The following BCAS1 variants were observed in gnomAD, a reference collection of about 807,000 sequenced individuals.
BCAS1 encodes the protein breast carcinoma-amplified sequence 1.
BCAS1 carries 46 observed loss-of-function variants against 65.4 expected under a neutral mutation model. That is an observed-to-expected ratio of 0.70 (90% CI 0.55 to 0.90). The LOEUF is 0.90. BCAS1 is among the 40% of genes least tolerant of loss of function. The pLI is 0.00. For synonymous variants in BCAS1, 298 were observed against 293.5 expected (o/e 1.02, Z -0.16); for missense variants, 793 against 771.2 (o/e 1.03, Z -0.33).
At chr20:53,962,943 C>T (rs1454677446) in intron 10 of BCAS1, among the ~76,000 whole-genome samples, 2 of 152,008 alleles carry the variant, frequency 1.3e-5, no homozygotes, top group Non-Finnish European at 2.9e-5. Context: ...CTCTGCCTCC[C>T]GGATTCACGC....
Position 54,041,908 on chromosome 20 carries a change from C to CAAAAAAAAAAAAAAAA in BCAS1, c.143-12937_143-12936insTTTTTTTTTTTTTTTT, listed in dbSNP as rs1391284796. 2.1e-3 allele frequency among the ~76,000 whole-genome samples: 138 copies of CAAAAAAAAAAAAAAAA among 67,308 alleles called. 31 individuals carry two copies. The highest frequency in any genetic ancestry group is 2.1e-3 in the African/African-American group (40 of 18,630). The allele number at this position is 67,308 out of a possible 152,430, so 44.2% of individuals were successfully genotyped here. Reference sequence around the variant, plus strand: ...AGTTCAGAGTGAGACTCTGTCTCCCCCAAAAAAAAAAAAAAAAAAAAAAGA... The same window carrying CAAAAAAAAAAAAAAAA: ...AGTTCAGAGTGAGACTCTGTCTCCCCAAAAAAAAAAAAAAAACAAAAAAAAAAAAAAAAAAAAAAGA... On this transcript the variant is annotated intron_variant, in intron 3 of 12. Transcript: ENST00000688948.
intron 9 of BCAS1, among the ~76,000 whole-genome samples, chr20:53,972,059 GT>G (rs943280595): frequency 1.3e-5 from 2 of 151,920 alleles, no homozygotes; most frequent in Non-Finnish European, 1.5e-5. Flanking sequence ...CTGTTTTTTA[GT>G]TTTTTTTAAA....
intron 4 of BCAS1, among the ~76,000 whole-genome samples, chr20:54,005,904 G>A (rs1205328005): frequency 6.6e-6 from 1 of 152,148 alleles, no homozygotes; most frequent in African/African-American, 2.4e-5. Context: ...GGTTTAGGGG[G>A]CAGGTTATTC....
intron 12 of BCAS1, among the ~76,000 whole-genome samples, chr20:53,951,967 G>T (rs965208918): frequency 1.3e-5 from 2 of 152,152 alleles, no homozygotes; most frequent in Non-Finnish European, 1.5e-5. Flanking sequence ...GAAGAAAAAT[G>T]AAAGAAGGAA....
chr20:53,961,349 A>AC (rs2145582085), intron 10 of BCAS1, among the ~76,000 whole-genome samples: 1 of 152,368 alleles, frequency 6.6e-6, no homozygotes, highest in East Asian at 1.9e-4. Flanking sequence ...TGTTTATCAG[A>AC]CCAGTCTCAT....
intron 11 of BCAS1, among the ~76,000 whole-genome samples, chr20:53,955,407 C>T (rs1412141975): frequency 6.6e-6 from 1 of 152,220 alleles, no homozygotes; most frequent in Admixed American, 6.5e-5. Context: ...AGAGCAGATA[C>T]TCTCCTTAGA....
At position 54,054,045 on chromosome 20, in the gene BCAS1, T is replaced by C. The variant is rs1338491423; in HGVS notation, c.142+4040A>G. Reference sequence around the variant, plus strand: ...ATGACGAAGGAAGAGCAAAGGGATGTCTTACATGGCAGCAGGCAAGAGAGC... The same window carrying C: ...ATGACGAAGGAAGAGCAAAGGGATGCCTTACATGGCAGCAGGCAAGAGAGC... On this transcript the variant is annotated intron_variant, in intron 3 of 12. Transcript: ENST00000688948. Among the ~76,000 whole-genome samples the C allele has an allele frequency of 3.9e-5, 6 of 152,310 alleles. No individual in the cohort carries two copies. In the East Asian group the frequency reaches 1.2e-3, roughly 29 times the overall value.
intron 4 of BCAS1, among the ~76,000 whole-genome samples, chr20:54,010,594 A>G (rs1346846213): frequency 6.6e-6 from 1 of 152,188 alleles, no homozygotes; most frequent in Non-Finnish European, 1.5e-5. Context: ...ATCATAGGAG[A>G]CCTAAATAAA....
chr20:54,066,878 G>C (rs138571142), intron 1 of BCAS1, among the ~76,000 whole-genome samples: 1 of 152,126 alleles, frequency 6.6e-6, no homozygotes, highest in Non-Finnish European at 1.5e-5. Context: ...CTTAACCCTC[G>C]CAAACTCAAG....
chr20:54,007,588 A>G (rs2091227932), intron 4 of BCAS1, among the ~76,000 whole-genome samples: 1 of 152,228 alleles, frequency 6.6e-6, no homozygotes. Context: ...TTGGACAGAC[A>G]GTAGCTATGG....
chr20:54,055,955 A>G (rs62215591), intron 3 of BCAS1, among the ~76,000 whole-genome samples: 19,463 of 152,146 alleles, frequency 0.13, 1,546 homozygotes, highest in Non-Finnish European at 0.17. Flanking sequence ...GACAAATACT[A>G]TATGATCTCA....
At chr20:54,057,203 C>T (rs763056492) in intron 3 of BCAS1, among the ~76,000 whole-genome samples, 9 of 152,204 alleles carry the variant, frequency 5.9e-5, no homozygotes, top group Non-Finnish European at 1.2e-4. Context: ...CATGTGGACA[C>T]AATTCTGTTG....
chr20:54,013,641 G>T (rs185646181), intron 4 of BCAS1, among the ~76,000 whole-genome samples: 4 of 152,190 alleles, frequency 2.6e-5, no homozygotes, highest in Non-Finnish European at 5.9e-5. Flanking sequence ...AATGTACAAG[G>T]TTATTCATTG....
chr20:54,062,495 C>G (rs1280414619), intron 1 of BCAS1, among the ~76,000 whole-genome samples: 1 of 152,204 alleles, frequency 6.6e-6, no homozygotes, highest in East Asian at 1.9e-4. Flanking sequence ...CAAAGTATCT[C>G]TATCTAAATT....
At chr20:54,055,267 A>G (rs765158765) in intron 3 of BCAS1, among the ~76,000 whole-genome samples, 18 of 152,304 alleles carry the variant, frequency 1.2e-4, no homozygotes, top group Non-Finnish European at 2.4e-4. Context: ...TAAAACTACT[A>G]TATTAGTCTG....
At chr20:54,061,519 A>T (rs1349055900) in intron 1 of BCAS1, among the ~76,000 whole-genome samples, 1 of 152,238 alleles carries the variant, frequency 6.6e-6, no homozygotes. Context: ...TCTGGCTGAA[A>T]GGAGTCAATG....
At chr20:54,067,022 T>C (rs2092452233) in intron 1 of BCAS1, among the ~76,000 whole-genome samples, 1 of 152,264 alleles carries the variant, frequency 6.6e-6, no homozygotes, top group African/African-American at 2.4e-5. Context: ...ATTTCCTGCA[T>C]ATTCATTCTT....
intron 9 of BCAS1, among the ~76,000 whole-genome samples, chr20:53,967,734 C>T (rs1343624216): frequency 2.0e-5 from 3 of 152,254 alleles, no homozygotes; most frequent in Non-Finnish European, 4.4e-5. Context: ...GCTCGATTTC[C>T]TCTGCCTCTG....
In BCAS1 at chr20:53,966,990, A is replaced by G. The variant is rs951293868; in HGVS notation, c.1401T>C (p.Asp467=). The G allele has an allele frequency of 9.3e-6, 15 of 1,613,294 alleles. No individual in the cohort carries two copies. The highest frequency in any genetic ancestry group is 1.6e-4 in the Middle Eastern group (1 of 6,062). The change falls in exon 10 of 13, where the codon GAT becomes GAC. Residue 467 remains aspartate (D), a synonymous_variant. Coordinates refer to ENST00000688948, the MANE Select transcript of BCAS1 (RefSeq NM_001366298.2). ...ALQTVDLNEG[D]AAPEPTEAKL... The stretch of plus-strand genomic sequence containing the variant: ...TCGCTTCTGTGGGTTCAGGTGCAGC[A>G]TCTCCTTCGTTGAGGTCCACTGTTT...
Sources: gnomAD v4.1 joint callset for allele counts (sites outside exome capture counted in the v4.1 genomes callset) on GRCh38, gnomAD v4.1.1 for gene constraint, MANE v1.5 for transcripts, NCBI Gene and HGNC (gene_info 2026-07-23, HGNC 2026-07-21) for gene names.